ZKSCAN1: variants seen among roughly 807,000 people sequenced by gnomAD.
The protein encoded by ZKSCAN1 is zinc finger with KRAB and SCAN domains 1, also known as zinc finger protein with KRAB and SCAN domains 1.
In ZKSCAN1, 14 loss-of-function variants were observed where a neutral mutation model predicts 51.6. The ratio of observed to expected loss-of-function variants is 0.27; its 90% CI spans 0.18 to 0.42. The LOEUF is 0.42. Among genes scored for constraint, ZKSCAN1 ranks in the 10% least tolerant of loss-of-function variants. The pLI is 1.00. For missense variants in ZKSCAN1, 531 were observed against 710.0 expected, an observed-to-expected ratio of 0.75 and a Z score of 2.86; for synonymous variants, 263 against 261.5, an observed-to-expected ratio of 1.01 and a Z score of -0.06.
chr7:100,024,640 C>G (rs1223942532), intron 3 of ZKSCAN1: 1 of 213,754 alleles, frequency 4.7e-6, no homozygotes, highest in African/African-American at 2.3e-5. Flanking sequence ...TAGCTCACAC[C>G]TGTAATCCCA....
chr7:100,035,843 A>G lies in ZKSCAN1; in HGVS notation c.*1646A>G. 1 of 985,398 alleles carries G rather than the reference A, an allele frequency of 1.0e-6. No individual in the cohort carries two copies. Among genetic ancestry groups the G allele is most frequent in the Non-Finnish European group, 1.2e-6 (1 of 829,932 alleles). The allele number at this position is 985,398 out of a possible 1,614,324, so 61.0% of individuals were successfully genotyped here. ...AGCTGATGGCAGGAGACTGTTTCAC[A>G]CACAGGAGATTGTGAGCTGTGTAAG... On this transcript the variant is annotated 3_prime_UTR_variant, in exon 6 of 6. Transcript: ENST00000324306.
chr7:100,041,331 T>A lies in ZKSCAN1; in HGVS notation c.*7134T>A, dbSNP rs1791584785. ...AGATGTTCAATACGTGATTTTTTTT[T>A]TAATTGAATGTGTTCATTTAAAATC... On this transcript the variant is annotated 3_prime_UTR_variant, in exon 6 of 6. Transcript: ENST00000324306. 1.0e-6 allele frequency: 1 copy of A among 985,298 alleles called. No homozygotes were observed. The highest frequency in any genetic ancestry group is 1.2e-6 in the Non-Finnish European group (1 of 829,786). The allele number at this position is 985,298 out of a possible 1,614,324, so 61.0% of individuals were successfully genotyped here.
At chr7:100,042,267 C>T (rs570390799), downstream of ZKSCAN1, among the ~76,000 whole-genome samples, 109 of 147,122 alleles carry the variant, frequency 7.4e-4, no homozygotes, top group African/African-American at 2.7e-3. Context: ...TGCAGTGAGC[C>T]GAGATCGCAC....
chr7:100,036,828 C>G lies in ZKSCAN1; in HGVS notation c.*2631C>G, dbSNP rs1791382260. On this transcript the variant is annotated 3_prime_UTR_variant, in exon 6 of 6. Coordinates refer to ENST00000324306, the MANE Select transcript of ZKSCAN1 (RefSeq NM_003439.4). ...GGACTTTGGTCATGTTTACATTGGC[C>G]TTTGGTTTTTTTTTTTCTTTCAGCC... is the stretch of plus-strand genomic sequence containing the variant. The G allele has an allele frequency of 2.1e-6, 2 of 946,366 alleles. No individual in the cohort carries two copies. Among genetic ancestry groups the G allele is most frequent in the Non-Finnish European group, 2.5e-6 (2 of 815,050 alleles). The allele number at this position is 946,366 out of a possible 1,614,324, so 58.6% of individuals were successfully genotyped here. A position where few individuals can be genotyped will look rare whatever the true frequency, so the allele number is the denominator to read the frequency against.
intron 3 of ZKSCAN1, chr7:100,024,565 C>T (rs1790736973): frequency 2.4e-6 from 1 of 425,266 alleles, no homozygotes; most frequent in East Asian, 4.9e-5. Context: ...CTACTCCAAC[C>T]TGGGCAACAC....
intron 3 of ZKSCAN1, among the ~76,000 whole-genome samples, chr7:100,027,206 A>G (rs1284192140): frequency 6.6e-6 from 1 of 152,044 alleles, no homozygotes; most frequent in East Asian, 1.9e-4. Flanking sequence ...CTGAGACACA[A>G]GAACGCTTGA....
downstream of ZKSCAN1, among the ~76,000 whole-genome samples, chr7:100,042,797 GTTT>G (rs1200823549): frequency 4.0e-5 from 5 of 125,174 alleles, no homozygotes; most frequent in Admixed American, 8.3e-5. Flanking sequence ...TAATTTTTGG[GTTT>G]TTTTTTTTTT....
In ZKSCAN1 at chr7:100,039,459, C is replaced by A. The variant is rs985329683; in HGVS notation, c.*5262C>A. 3.0e-6 allele frequency: 3 copies of A among 985,298 alleles called. No homozygotes were observed. The African/African-American group carries it at 5.2e-5, about 17-fold the overall frequency. The allele number at this position is 985,298 out of a possible 1,614,324, so 61.0% of individuals were successfully genotyped here. ...AGCTCGGGAAGCATTTTGCAATATT[C>A]CCTTTGGCTGTGTTCCTGTGTTCCC... On this transcript the variant is annotated 3_prime_UTR_variant, in exon 6 of 6. Coordinates refer to ENST00000324306, the MANE Select transcript of ZKSCAN1 (RefSeq NM_003439.4).
At chr7:100,029,405 TTG>T (rs1383077666) in intron 3 of ZKSCAN1, among the ~76,000 whole-genome samples, 1 of 152,180 alleles carries the variant, frequency 6.6e-6, no homozygotes, top group Middle Eastern at 3.4e-3. Context: ...TAAAGCTGTG[TTG>T]TGTTTTCCAC....
Position 100,039,894 on chromosome 7 carries a change from T to G in ZKSCAN1, c.*5697T>G. 2.0e-6 allele frequency: 2 copies of G among 983,660 alleles called. No homozygotes were observed. The highest frequency in any genetic ancestry group is 2.4e-6 in the Non-Finnish European group (2 of 828,374). 60.9% of individuals were successfully genotyped at this position (983,660 alleles called of 1,614,324 possible). ...AAGTCAGTGATATAAATAGATCATT[T>G]CATAGAAATTAGGGTAGATTTTTAT... On this transcript the variant is annotated 3_prime_UTR_variant, in exon 6 of 6. Transcript: ENST00000324306.
downstream of ZKSCAN1, chr7:100,041,731 CCTT>C: frequency 1.0e-6 from 1 of 985,258 alleles, no homozygotes; most frequent in Non-Finnish European, 1.2e-6. Context: ...TTTTTCTCAT[CCTT>C]GGTTGCATAA....
At position 100,035,876 on chromosome 7, in the gene ZKSCAN1, C is replaced by T. The variant is rs567107166; in HGVS notation, c.*1679C>T. ...GATTGTGAGCTGTGTAAGTAGTCAT[C>T]GCCACTCAAGTAGGACAAGGGTCCT... On this transcript the variant is annotated 3_prime_UTR_variant, in exon 6 of 6. Transcript: ENST00000324306. 5.3e-5 allele frequency: 52 copies of T among 985,392 alleles called. No homozygotes were observed. The highest frequency in any genetic ancestry group is 4.7e-4 in the South Asian group (10 of 21,286). The allele number at this position is 985,392 out of a possible 1,614,324, so 61.0% of individuals were successfully genotyped here. A position where few individuals can be genotyped will look rare whatever the true frequency, so the allele number is the denominator to read the frequency against.
rs560979624 is a variant in ZKSCAN1 at position 100,032,093 on chromosome 7, A to G, written c.800-1212A>G. ...GACCCTGTCTCAAAAACAAAAACAA[A>G]ACAAAGTTTCTTGTTTGTTAATCAT... On this transcript the variant is annotated intron_variant, in intron 5 of 5. Coordinates refer to ENST00000324306, the MANE Select transcript of ZKSCAN1 (RefSeq NM_003439.4). 3.9e-5 allele frequency among the ~76,000 whole-genome samples: 6 copies of G among 152,296 alleles called. No homozygotes were observed. The South Asian group carries it at 1.2e-3, about 32-fold the overall frequency.
chr7:100,029,790 G>T lies in ZKSCAN1; in HGVS notation c.581-71G>T. 5 of 1,431,936 alleles carry T rather than the reference G, an allele frequency of 3.5e-6. No individual in the cohort carries two copies. The African/African-American group carries it at 5.6e-5, about 16-fold the overall frequency. 88.7% of individuals were successfully genotyped at this position (1,431,936 alleles called of 1,614,324 possible). On this transcript the variant is annotated intron_variant, in intron 3 of 5. Coordinates refer to ENST00000324306, the MANE Select transcript of ZKSCAN1 (RefSeq NM_003439.4). ...AACATGCTGGTGCAGGAAGGAACAT[G>T]CCCCGAGCCCTTCTTTGAGCAAGGC...
Position 100,040,476 on chromosome 7 carries a change from A to T in ZKSCAN1, c.*6279A>T. 5 of 985,462 alleles carry T rather than the reference A, an allele frequency of 5.1e-6. No homozygotes were observed. Among genetic ancestry groups the T allele is most frequent in the Non-Finnish European group, 6.0e-6 (5 of 829,942 alleles). 61.0% of individuals were successfully genotyped at this position (985,462 alleles called of 1,614,324 possible). ...ATTAAGGAGTGAGGCTGAGTATTTT[A>T]AGATAGAGTGAGATCTGTGAGTGAT... On this transcript the variant is annotated 3_prime_UTR_variant, in exon 6 of 6. Coordinates refer to ENST00000324306, the MANE Select transcript of ZKSCAN1 (RefSeq NM_003439.4).
intron 1 of ZKSCAN1, among the ~76,000 whole-genome samples, chr7:100,016,034 G>C (rs1329882108): frequency 6.6e-6 from 1 of 152,214 alleles, no homozygotes; most frequent in Non-Finnish European, 1.5e-5. Context: ...ATCGCCCTTT[G>C]ACGTTTCTGC....
intron 3 of ZKSCAN1, among the ~76,000 whole-genome samples, chr7:100,028,059 A>G (rs1284931716): frequency 6.6e-6 from 1 of 152,098 alleles, no homozygotes. Flanking sequence ...AAGTTTAAAA[A>G]ATTAAGTACT....
intron 1 of ZKSCAN1, among the ~76,000 whole-genome samples, chr7:100,020,540 C>T (rs774277330): frequency 1.1e-4 from 17 of 152,214 alleles, no homozygotes; most frequent in Non-Finnish European, 2.1e-4. Flanking sequence ...CCTGTAATCC[C>T]AGCTACTCAG....
intron 1 of ZKSCAN1, among the ~76,000 whole-genome samples, chr7:100,020,474 G>C (rs145520057): frequency 1.3e-5 from 2 of 152,000 alleles, no homozygotes; most frequent in East Asian, 3.9e-4. Flanking sequence ...TGAAGGCAGG[G>C]AACCAAAGAA....
Sources: allele counts gnomAD v4.1 joint callset (sites outside exome capture counted in the v4.1 genomes callset), GRCh38; gene constraint gnomAD v4.1.1; transcripts MANE v1.5; gene names NCBI Gene and HGNC (gene_info 2026-07-23, HGNC 2026-07-21).